Variants in STARD7 observed in about 807,000 individuals in gnomAD.
STARD7 encodes stAR-related lipid transfer protein 7, mitochondrial.
A neutral mutation model predicts 45.3 loss-of-function variants in STARD7; 30 were observed. The ratio of observed to expected loss-of-function variants is 0.66; its 90% CI spans 0.50 to 0.90. The LOEUF (loss-of-function observed/expected upper bound fraction) is 0.90. Ranked by LOEUF, STARD7 falls within the 40% of genes least tolerant of loss-of-function variation. The probability of loss-of-function intolerance (pLI) is 0.00; values close to 1 mark genes in which losing one functional copy is unlikely to be tolerated. For synonymous variants in STARD7, 199 were observed against 183.0 expected (o/e 1.09, Z -0.70); for missense variants, 495 against 491.3 (o/e 1.01, Z -0.07).
intron 1 of STARD7, among the ~76,000 whole-genome samples, chr2:96,199,451 AATTTT>A (rs768986206): frequency 6.1e-4 from 93 of 152,224 alleles, no homozygotes; most frequent in Non-Finnish European, 1.1e-3. Context: ...TGAAATTGTT[AATTTT>A]ATTTTCAGAT....
chr2:96,202,182 A>C (rs1683314696), intron 1 of STARD7, among the ~76,000 whole-genome samples: 1 of 152,142 alleles, frequency 6.6e-6, no homozygotes, highest in Non-Finnish European at 1.5e-5. Flanking sequence ...AATTTAAGTG[A>C]GGTTAGAGAC....
rs1375127531 is a variant in STARD7 at position 96,185,529 on chromosome 2, T to C, written c.*1201A>G. ...CTCGGTCAAACTGACAGCATCAGAT[T>C]GTGACCTTATCTGAACAGTGTAGTT... is the stretch of plus-strand genomic sequence containing the variant. On this transcript the variant is annotated 3_prime_UTR_variant, in exon 8 of 8. Coordinates refer to ENST00000337288, the MANE Select transcript of STARD7 (RefSeq NM_020151.4). 1 of 152,264 alleles carries C rather than the reference T, an allele frequency of 6.6e-6. No homozygotes were observed. Among genetic ancestry groups the C allele is most frequent in the Non-Finnish European group, 1.5e-5 (1 of 68,048 alleles). 9.4% of individuals were successfully genotyped at this position (152,264 alleles called of 1,614,324 possible).
In STARD7 at chr2:96,193,296, A is replaced by G. The variant is rs997547; in HGVS notation, c.606T>C (p.Ile202=). The stretch of plus-strand genomic sequence containing the variant: ...CGGAACCACTAACCACATCCCTCTC[A>G]ATCACCTCCAGCTTGATTACCAGGG... ...WDALVIKLEV[I]ERDVVSGSEV... The change falls in exon 4 of 8, where the codon ATT becomes ATC. Residue 202 remains isoleucine, a synonymous_variant. Coordinates refer to ENST00000337288, the MANE Select transcript of STARD7 (RefSeq NM_020151.4). 0.14 allele frequency: 226,296 copies of G among 1,613,050 alleles called. 17,641 individuals carry two copies. Among genetic ancestry groups the G allele is most frequent in the Middle Eastern group, 0.24 (1,467 of 6,058 alleles).
In STARD7 at chr2:96,185,986, T is replaced by C. The variant is rs1371988123; in HGVS notation, c.*744A>G. The C allele has an allele frequency of 6.6e-6, 1 of 152,146 alleles. No homozygotes were observed. The highest frequency in any genetic ancestry group is 6.5e-5 in the Admixed American group (1 of 15,270). The allele number at this position is 152,146 out of a possible 1,614,324, so 9.4% of individuals were successfully genotyped here. A position where few individuals can be genotyped will look rare whatever the true frequency, so the allele number is the denominator to read the frequency against. ...GGTTAGGAAGGAGGCAATGATCCAA[T>C]GAATATAGAAGAACTGGCCGATTCA... is the stretch of plus-strand genomic sequence containing the variant. On this transcript the variant is annotated 3_prime_UTR_variant, in exon 8 of 8. Coordinates refer to ENST00000337288, the MANE Select transcript of STARD7 (RefSeq NM_020151.4).
intron 1 of STARD7, among the ~76,000 whole-genome samples, chr2:96,199,328 T>G (rs1332926188): frequency 2.6e-5 from 4 of 152,248 alleles, no homozygotes. Context: ...TGTCTTTCAC[T>G]TATGTCTTTT....
intron 1 of STARD7, among the ~76,000 whole-genome samples, chr2:96,197,448 G>T (rs1045898597): frequency 3.3e-5 from 5 of 152,144 alleles, no homozygotes; most frequent in Admixed American, 6.5e-5. Context: ...TTTGTTATCT[G>T]GCACGTAAGT....
chr2:96,191,038 G>A (rs1046017873), intron 6 of STARD7, among the ~76,000 whole-genome samples: 1 of 152,116 alleles, frequency 6.6e-6, no homozygotes, highest in Non-Finnish European at 1.5e-5. Context: ...GTTGGCACAC[G>A]CCTATAATCC....
chr2:96,197,386 C>T (rs944417106), intron 1 of STARD7, among the ~76,000 whole-genome samples: 1 of 152,028 alleles, frequency 6.6e-6, no homozygotes, highest in Non-Finnish European at 1.5e-5. Flanking sequence ...GCCTGGGCAA[C>T]AGAGTGAGAC....
At chr2:96,188,232 GC>G (rs1348210043) in intron 6 of STARD7, 2 of 138,102 alleles carry the variant, frequency 1.4e-5, no homozygotes, top group African/African-American at 2.7e-5. Context: ...CACAGATTGA[GC>G]CACTGTACTC....
Position 96,186,516 on chromosome 2 carries a change from A to C in STARD7, c.*214T>G. 1 of 423,742 alleles carries C rather than the reference A, an allele frequency of 2.4e-6. No homozygotes were observed. Among genetic ancestry groups the C allele is most frequent in the Non-Finnish European group, 4.1e-6 (1 of 241,166 alleles). The allele number at this position is 423,742 out of a possible 1,614,324, so 26.2% of individuals were successfully genotyped here. ...GAATTTCAAAACAGTTGGCCTGAGA[A>C]TATGACAACACTCCCACAAATGTAG... On this transcript the variant is annotated 3_prime_UTR_variant, in exon 8 of 8. Transcript: ENST00000337288.
chr2:96,192,477 G>A lies in STARD7; in HGVS notation c.744-9C>T, dbSNP rs372844803. 49 of 1,606,762 alleles carry A rather than the reference G, an allele frequency of 3.0e-5. No homozygotes were observed. The Middle Eastern group carries it at 1.8e-3, about 60-fold the overall frequency. ...TCGGATGCTCCACAGCACTGGTAAG[G>A]AGGAAAGGAGAAGCAAACTCTTAGT... is the stretch of plus-strand genomic sequence containing the variant. On this transcript the variant is annotated splice_polypyrimidine_tract_variant and intron_variant, in intron 5 of 7. Transcript: ENST00000337288.
At chr2:96,192,283 C>A in intron 6 of STARD7, 86 bp downstream of exon 6, 1 of 1,060,024 alleles carries the variant, frequency 9.4e-7, no homozygotes, top group Non-Finnish European at 1.5e-6. Flanking sequence ...CTGCGCCACA[C>A]CCCCTCCTCC....
chr2:96,208,692 A>G lies in STARD7; in HGVS notation c.-258T>C. The G allele has an allele frequency of 2.3e-6, 1 of 439,394 alleles. No homozygotes were observed. The highest frequency in any genetic ancestry group is 4.0e-6 in the Non-Finnish European group (1 of 250,584). 27.2% of individuals were successfully genotyped at this position (439,394 alleles called of 1,614,324 possible). A position where few individuals can be genotyped will look rare whatever the true frequency, so the allele number is the denominator to read the frequency against. ...CCAGGCACTCCTGGGCCCGGGCAGCAGACCAGTCAGCCCTGTGGCTCCTCG... is the reference window on the plus strand; with the variant it reads ...CCAGGCACTCCTGGGCCCGGGCAGCGGACCAGTCAGCCCTGTGGCTCCTCG... On this transcript the variant is annotated 5_prime_UTR_variant, in exon 1 of 8. Coordinates refer to ENST00000337288, the MANE Select transcript of STARD7 (RefSeq NM_020151.4).
chr2:96,186,752 G>A lies in STARD7; in HGVS notation c.1091C>T (p.Pro364Leu), dbSNP rs767768801. The change falls in exon 8 of 8, where the codon CCT becomes CTT. Residue 364 changes from proline to leucine, a missense_variant. Physicochemically the swap from Pro to Leu is moderately conservative, Grantham distance 98. Transcript: ENST00000337288. Reference protein sequence around the residue: ...SERKNEGSCGPARIEYA With the variant: ...SERKNEGSCGLARIEYA The stretch of plus-strand genomic sequence containing the variant: ...CTGTCAAGCATACTCAATCCGAGCA[G>A]GGCCACAGCTGCCCTCGTTCTTTCG... 4.3e-6 allele frequency: 7 copies of A among 1,612,632 alleles called. No homozygotes were observed. The highest frequency in any genetic ancestry group is 1.7e-4 in the Middle Eastern group (1 of 5,784).
chr2:96,189,924 A>G (rs979026104), intron 6 of STARD7, among the ~76,000 whole-genome samples: 19 of 152,178 alleles, frequency 1.2e-4, no homozygotes, highest in Non-Finnish European at 2.5e-4. Flanking sequence ...TAAAAACTCC[A>G]TAGTCCTGAA....
At chr2:96,193,447 T>C in intron 3 of STARD7, 95 bp from the exon 4 acceptor site, 1 of 809,448 alleles carries the variant, frequency 1.2e-6, no homozygotes, top group Non-Finnish European at 2.2e-6. Flanking sequence ...CCAAGAATCT[T>C]ATTACAAGGA....
chr2:96,194,608 T>C (rs1331587129), intron 3 of STARD7, among the ~76,000 whole-genome samples: 5 of 152,202 alleles, frequency 3.3e-5, no homozygotes, highest in African/African-American at 1.2e-4. Flanking sequence ...TTTTAGGAAA[T>C]ACACACTGGA....
At chr2:96,194,296 CA>C (rs1212543673) in intron 3 of STARD7, among the ~76,000 whole-genome samples, 1 of 151,250 alleles carries the variant, frequency 6.6e-6, no homozygotes, top group East Asian at 1.9e-4. Flanking sequence ...AAGGCTGCAG[CA>C]AGACATGATC....
intron 1 of STARD7, among the ~76,000 whole-genome samples, chr2:96,200,411 T>G (rs1244054899): frequency 6.6e-6 from 1 of 152,164 alleles, no homozygotes; most frequent in Non-Finnish European, 1.5e-5. Context: ...CACCATATAT[T>G]GTACTATGTA....
Sources: gnomAD v4.1 joint callset for allele counts (sites outside exome capture counted in the v4.1 genomes callset) on GRCh38, gnomAD v4.1.1 for gene constraint, MANE v1.5 for transcripts, NCBI Gene and HGNC (gene_info 2026-07-23, HGNC 2026-07-21) for gene names.